Variants in ZNF318 observed in about 807,000 individuals in gnomAD.
ZNF318 encodes endocrine regulator.
Under a neutral mutation model 124.2 loss-of-function variants are expected in ZNF318, and 51 were observed. That is an observed-to-expected ratio of 0.41 (90% CI 0.33 to 0.52). The LOEUF (loss-of-function observed/expected upper bound fraction) is 0.52. Among genes scored for constraint, ZNF318 ranks in the 20% least tolerant of loss-of-function variants. The pLI is 0.23. For synonymous variants in ZNF318, 1,090 were observed against 1,040.7 expected (o/e 1.05, Z -0.91); for missense variants, 2,815 against 2,811.2 (o/e 1.00, Z -0.03).
chr6:43,338,320 A>G lies in ZNF318; in HGVS notation c.5678T>C (p.Leu1893Pro), dbSNP rs769965499. Residue 1893 changes from leucine to proline, a missense_variant, in exon 10 of 10, where the codon CTG (leucine) becomes CCG (proline). Leu to Pro is a moderately conservative substitution (Grantham distance 98, BLOSUM62 -3). Transcript: ENST00000361428. ...AGCTGATCTGGCTGGGGAATGAAGC[A>G]GCAACTCTGGGGCAGAAATTTTCAC... ...TPVKISAPEL[L>P]LHSPARSAMC... 1.2e-6 allele frequency: 2 copies of G among 1,614,216 alleles called. No homozygotes were observed. Among genetic ancestry groups the G allele is most frequent in the Non-Finnish European group, 8.5e-7 (1 of 1,180,024 alleles).
intron 3 of ZNF318, among the ~76,000 whole-genome samples, chr6:43,356,468 G>GA (rs913455733): frequency 1.4e-4 from 21 of 150,788 alleles, no homozygotes; most frequent in African/African-American, 3.7e-4. Context: ...AAAAGAAAAG[G>GA]AAAAAAAAAG....
At position 43,337,822 on chromosome 6, in the gene ZNF318, G is replaced by A; in HGVS notation, c.6176C>T (p.Pro2059Leu). ...VSPIGCNSSDPADFEPIPSFS... is the reference protein window; with the variant it reads ...VSPIGCNSSDLADFEPIPSFS... ...AGATGGGATTGGTTCGAAGTCAGCGGGATCGGAGGAATTACACCCTATAGG... is the reference window on the plus strand; with the variant it reads ...AGATGGGATTGGTTCGAAGTCAGCGAGATCGGAGGAATTACACCCTATAGG... The change falls in exon 10 of 10, where the codon CCC (proline) becomes CTC (leucine). Residue 2059 changes from proline (P) to leucine (L), a missense_variant. Physicochemically the swap from Pro to Leu is moderately conservative, Grantham distance 98. Coordinates refer to ENST00000361428, the MANE Select transcript of ZNF318 (RefSeq NM_014345.3). 6.2e-7 allele frequency: 1 copy of A among 1,614,172 alleles called. No individual in the cohort carries two copies. The highest frequency in any genetic ancestry group is 1.1e-5 in the South Asian group (1 of 91,080).
chr6:43,342,245 G>A (rs1209611590), intron 7 of ZNF318, 34 bp from the exon 8 acceptor site: 2 of 1,516,196 alleles, frequency 1.3e-6, no homozygotes, highest in Non-Finnish European at 1.8e-6. Flanking sequence ...TCACACAACA[G>A]CACTAAAAGC....
chr6:43,369,339 G>A lies in ZNF318; in HGVS notation c.27C>T (p.Ser9=). The A allele has an allele frequency of 7.5e-7, 1 of 1,338,942 alleles. No individual in the cohort carries two copies. Among genetic ancestry groups the A allele is most frequent in the Non-Finnish European group, 9.6e-7 (1 of 1,037,272 alleles). The allele number at this position is 1,338,942 out of a possible 1,614,324, so 82.9% of individuals were successfully genotyped here. Residue 9 remains serine (S), a synonymous_variant, in exon 1 of 10, where the codon TCC becomes TCT. Transcript: ENST00000361428. The part of the protein sequence containing the change: MYRSSARS[S]VSSHRPKDDG... Reference sequence around the variant, plus strand: ...CGTCTTTAGGCCGGTGGGAAGAGACGGAGGAGCGAGCGCTGCTGCGGTACA... The same window carrying A: ...CGTCTTTAGGCCGGTGGGAAGAGACAGAGGAGCGAGCGCTGCTGCGGTACA...
intron 6 of ZNF318, among the ~76,000 whole-genome samples, chr6:43,343,827 C>CAAAAAA (rs10560070): frequency 9.8e-6 from 1 of 101,918 alleles, no homozygotes; most frequent in African/African-American, 3.4e-5. Flanking sequence ...GACCCTGTCT[C>CAAAAAA]AAAAAAAAAA....
Position 43,338,062 on chromosome 6 carries a change from G to A in ZNF318, c.5936C>T (p.Ala1979Val). 6.2e-7 allele frequency: 1 copy of A among 1,614,188 alleles called. No homozygotes were observed. Among genetic ancestry groups the A allele is most frequent in the East Asian group, 2.2e-5 (1 of 44,894 alleles). The part of the protein sequence containing the change: ...WESPEKPKTE[A>V]LELQDVHPEL... Reference sequence around the variant, plus strand: ...TGGATGGACATCTTGTAGCTCCAGTGCTTCTGTTTTTGGTTTCTCTGGGCT... The same window carrying A: ...TGGATGGACATCTTGTAGCTCCAGTACTTCTGTTTTTGGTTTCTCTGGGCT... Residue 1979 changes from alanine (A) to valine (V), a missense_variant, in exon 10 of 10, where the codon GCA (alanine) becomes GTA (valine). Ala to Val is a moderately conservative substitution (Grantham distance 64). Coordinates refer to ENST00000361428, the MANE Select transcript of ZNF318 (RefSeq NM_014345.3).
In ZNF318 at chr6:43,348,491, T is replaced by TG; in HGVS notation, c.2904_2905insC (p.Lys969GlnfsTer4). 6.2e-7 allele frequency: 1 copy of TG among 1,614,176 alleles called. No homozygotes were observed. Among genetic ancestry groups the TG allele is most frequent in the Non-Finnish European group, 8.5e-7 (1 of 1,180,044 alleles). ...GCCACTTTGTCCAGTTCAGATTGCT[T>TG]CTTTTCTGCCTCTTCTGCCTCTTGC... On this transcript the variant is annotated frameshift_variant, in exon 6 of 10. Transcript: ENST00000361428. LOFTEE classifies it high-confidence loss of function.
chr6:43,354,431 A>T (rs893584293), intron 4 of ZNF318, among the ~76,000 whole-genome samples: 13 of 152,158 alleles, frequency 8.5e-5, no homozygotes, highest in African/African-American at 2.9e-4. Context: ...AATTAAACTT[A>T]AAAAAGGCTG....
chr6:43,339,294 C>G lies in ZNF318; in HGVS notation c.4704G>C (p.Leu1568=). ...CACCACTACTATAGAATATGTCATA[C>G]AGGTCCTTAGCATTGGCTGTGGCTA... ...SCLATANAKD[L]YDIFYSSGGK... The change falls in exon 10 of 10, where the codon CTG becomes CTC. Residue 1568 remains leucine (L), a synonymous_variant. Transcript: ENST00000361428. The surrounding 1 kb of genome is among the most constrained non-coding windows in gnomAD (Gnocchi z 4.2). 6.2e-7 allele frequency: 1 copy of G among 1,614,214 alleles called. No homozygotes were observed.
At chr6:43,366,933 G>A (rs1779769863) in intron 1 of ZNF318, among the ~76,000 whole-genome samples, 1 of 151,848 alleles carries the variant, frequency 6.6e-6, no homozygotes, top group African/African-American at 2.4e-5. Flanking sequence ...CTCACTGCAA[G>A]CTCCGCCTCC....
chr6:43,356,314 T>C (rs1779608311), intron 3 of ZNF318, among the ~76,000 whole-genome samples, 169 bp from the exon 4 acceptor site: 2 of 152,212 alleles, frequency 1.3e-5, no homozygotes, highest in African/African-American at 2.4e-5. Context: ...AATCCCCTTA[T>C]CTCCAGATGT....
chr6:43,345,589 C>A (rs1410071126), intron 6 of ZNF318, among the ~76,000 whole-genome samples: 2 of 152,114 alleles, frequency 1.3e-5, no homozygotes, highest in East Asian at 3.9e-4. Flanking sequence ...CTTTTAAATT[C>A]TTCTCCCATC....
rs367857880 is a variant in ZNF318 at position 43,357,655 on chromosome 6, A to T, written c.659T>A (p.Leu220His). Residue 220 changes from leucine to histidine, a missense_variant, in exon 3 of 10, where the codon CTT (leucine) becomes CAT (histidine). Coordinates refer to ENST00000361428, the MANE Select transcript of ZNF318 (RefSeq NM_014345.3). ...TTCTTTTGTTCGGTAGTCCTCATCA[A>T]GTTGTCCCAAGAAGGGACTGAGAGG... ...EGPLSPFLGQ[L>H]DEDYRTKETF... 2 of 1,613,952 alleles carry T rather than the reference A, an allele frequency of 1.2e-6. No individual in the cohort carries two copies. Among genetic ancestry groups the T allele is most frequent in the African/African-American group, 2.7e-5 (2 of 74,902 alleles).
intron 5 of ZNF318, among the ~76,000 whole-genome samples, chr6:43,349,323 T>A (rs995184840): frequency 6.6e-6 from 1 of 152,246 alleles, no homozygotes; most frequent in Non-Finnish European, 1.5e-5. Flanking sequence ...TATTTGACTT[T>A]ATCTGATCTA....
chr6:43,340,807 G>A lies in ZNF318; in HGVS notation c.3478C>T (p.His1160Tyr). The A allele has an allele frequency of 6.2e-7, 1 of 1,613,574 alleles. No individual in the cohort carries two copies. Among genetic ancestry groups the A allele is most frequent in the Non-Finnish European group, 8.5e-7 (1 of 1,179,462 alleles). The part of the protein sequence containing the change: ...SGEQHVKGHQ[H>Y]NEKYKKYVDE... ...AGACCAACCTTGTATTTCTCATTGT[G>A]TTGGTGACCCTTCACATGTTGCTCC... is the stretch of plus-strand genomic sequence containing the variant. The change falls in exon 9 of 10, where the codon CAC becomes TAC. Residue 1160 changes from histidine (H) to tyrosine (Y), a missense_variant. By Grantham distance (83) the His-to-Tyr change is moderately conservative. This residue lies in a region of ZNF318 where 500 missense variants were observed against 605.2 expected (regional missense o/e 0.83). Coordinates refer to ENST00000361428, the MANE Select transcript of ZNF318 (RefSeq NM_014345.3).
At position 43,340,895 on chromosome 6, in the gene ZNF318, C is replaced by T. The variant is rs766425260; in HGVS notation, c.3390G>A (p.Leu1130=). 3.1e-6 allele frequency: 5 copies of T among 1,613,444 alleles called. No homozygotes were observed. The highest frequency in any genetic ancestry group is 4.2e-6 in the Non-Finnish European group (5 of 1,179,410). The stretch of plus-strand genomic sequence containing the variant: ...GGCAATAAAATCCACTGATGGGAAC[C>T]AGAAACTCAGAGCCTGGAAGAAGTA... ...ITVPAKGSEF[L]VPISGFYCQL... is the part of the protein sequence containing the mutation. The change falls in exon 9 of 10, where the codon CTG becomes CTA. Residue 1130 remains leucine, a synonymous_variant. Coordinates refer to ENST00000361428, the MANE Select transcript of ZNF318 (RefSeq NM_014345.3).
chr6:43,338,693 C>A lies in ZNF318; in HGVS notation c.5305G>T (p.Asp1769Tyr). The A allele has an allele frequency of 6.2e-7, 1 of 1,614,196 alleles. No homozygotes were observed. The highest frequency in any genetic ancestry group is 1.6e-4 in the Middle Eastern group (1 of 6,062). The part of the protein sequence containing the change: ...KESQELRKSE[D>Y]CRESEIETNT... Reference sequence around the variant, plus strand: ...GTCTCTATCTCACTTTCTCTACAATCCTCAGATTTACGGAGCTCTTGGCTT... The same window carrying A: ...GTCTCTATCTCACTTTCTCTACAATACTCAGATTTACGGAGCTCTTGGCTT... Residue 1769 changes from aspartate to tyrosine, a missense_variant, in exon 10 of 10, where the codon GAT (aspartate) becomes TAT (tyrosine). Physicochemically the swap from Asp to Tyr is radical, Grantham distance 160 (BLOSUM62 -3). This residue lies in a region of ZNF318 where 927 missense variants were observed against 820.6 expected (regional missense o/e 1.13). Transcript: ENST00000361428.
In ZNF318 at chr6:43,355,566, C is replaced by T. The variant is rs967373181; in HGVS notation, c.1768G>A (p.Ala590Thr). The T allele has an allele frequency of 6.8e-6, 11 of 1,614,184 alleles. No homozygotes were observed. The highest frequency in any genetic ancestry group is 9.3e-6 in the Non-Finnish European group (11 of 1,180,038). ...ESLEETNPEY[A>T]KIHDLLKTIG... The stretch of plus-strand genomic sequence containing the variant: ...GTCTTGAGCAAGTCATGGATCTTCG[C>T]ATATTCTGGATTGGTCTCTTCTAGT... The change falls in exon 4 of 10, where the codon GCG becomes ACG. Residue 590 changes from alanine to threonine, a missense_variant. Physicochemically the swap from Ala to Thr is moderately conservative, Grantham distance 58 (BLOSUM62 0). Coordinates refer to ENST00000361428, the MANE Select transcript of ZNF318 (RefSeq NM_014345.3).
Position 43,336,431 on chromosome 6 carries a change from C to G in ZNF318, c.*727G>C, listed in dbSNP as rs1026625382. 6 of 152,228 alleles carry G rather than the reference C, an allele frequency of 3.9e-5. No individual in the cohort carries two copies. Among genetic ancestry groups the G allele is most frequent in the Admixed American group, 3.3e-4 (5 of 15,274 alleles). The allele number at this position is 152,228 out of a possible 1,614,324, so 9.4% of individuals were successfully genotyped here. A position where few individuals can be genotyped will look rare whatever the true frequency, so the allele number is the denominator to read the frequency against. ...CTCCTGGCAATGAACCATGAATAAG[C>G]CTTACCGATTTGTCGTCTTCTAAAA... On this transcript the variant is annotated 3_prime_UTR_variant, in exon 10 of 10. Coordinates refer to ENST00000361428, the MANE Select transcript of ZNF318 (RefSeq NM_014345.3).
Sources: allele counts gnomAD v4.1 joint callset (sites outside exome capture counted in the v4.1 genomes callset), GRCh38; gene constraint gnomAD v4.1.1; regional missense constraint gnomAD v4.1.1; non-coding constraint Gnocchi (gnomAD v3.1); transcripts MANE v1.5; gene names NCBI Gene and HGNC (gene_info 2026-07-23, HGNC 2026-07-21).